LAMA3: variants seen among roughly 807,000 people sequenced by gnomAD.
LAMA3 encodes the protein laminin subunit alpha 3, also known as laminin subunit alpha-3.
In LAMA3, 281 loss-of-function variants were observed where a neutral mutation model predicts 402.0. That is an observed-to-expected ratio of 0.70 (90% confidence interval 0.63 to 0.77). LAMA3 has a LOEUF of 0.77. Among genes scored for constraint, LAMA3 ranks in the 30% least tolerant of loss-of-function variants. The pLI is 0.00. For synonymous variants in LAMA3, 1,431 were observed against 1,558.4 expected (o/e 0.92, Z 1.93); for missense variants, 3,840 against 4,215.5 (o/e 0.91, Z 2.47).
intron 41 of LAMA3, 46 bp from the exon 42 acceptor site, chr18:23,889,965 C>G (rs759473847): frequency 1.4e-6 from 2 of 1,420,396 alleles, no homozygotes; most frequent in South Asian, 1.1e-5. Context: ...TTGAGATAAA[C>G]GATGAGTTAT....
intron 1 of LAMA3, among the ~76,000 whole-genome samples, chr18:23,691,773 T>C (rs2060592778): frequency 6.6e-6 from 1 of 152,256 alleles, no homozygotes; most frequent in Non-Finnish European, 1.5e-5. Flanking sequence ...GGTTTTGCCA[T>C]GTTGGCCAGA....
intron 1 of LAMA3, among the ~76,000 whole-genome samples, chr18:23,707,885 T>C (rs1356361481): frequency 6.6e-6 from 1 of 152,142 alleles, no homozygotes; most frequent in Non-Finnish European, 1.5e-5. Flanking sequence ...TGTGCCACCA[T>C]GCCCAGCTAA....
intron 33 of LAMA3, 40 bp from the exon 34 acceptor site, chr18:23,858,649 T>G (rs781050326): frequency 6.2e-7 from 1 of 1,612,566 alleles, no homozygotes; most frequent in Non-Finnish European, 8.5e-7. Context: ...AGGGAAATTT[T>G]GGAACACGTG....
At chr18:23,709,218 G>C (rs1179805207) in intron 1 of LAMA3, among the ~76,000 whole-genome samples, 1 of 151,788 alleles carries the variant, frequency 6.6e-6, no homozygotes, top group African/African-American at 2.4e-5. Flanking sequence ...CTACAGGCAG[G>C]CACCACCACA....
chr18:23,900,794 C>A (rs1199195367), intron 47 of LAMA3, among the ~76,000 whole-genome samples: 2 of 152,168 alleles, frequency 1.3e-5, no homozygotes, highest in Admixed American at 1.3e-4. Flanking sequence ...GTGGAAGGAG[C>A]ATGCACTTTA....
At chr18:23,695,219 C>CA (rs1215251875) in intron 1 of LAMA3, among the ~76,000 whole-genome samples, 1 of 152,188 alleles carries the variant, frequency 6.6e-6, no homozygotes, top group African/African-American at 2.4e-5. Flanking sequence ...TAGCCTCCAG[C>CA]ATGGTGAGAG....
intron 29 of LAMA3, among the ~76,000 whole-genome samples, chr18:23,843,764 A>G (rs2063755866): frequency 6.6e-6 from 1 of 151,964 alleles, no homozygotes; most frequent in Non-Finnish European, 1.5e-5. Context: ...TTCATCTTTT[A>G]TCTTTCTCTC....
Position 23,944,071 on chromosome 18 carries a change from G to A in LAMA3, c.9210+100G>A, listed in dbSNP as rs148821227. ...CAGCATCCTTCCCAGACATGAGGGCGTGGAGTGGGAGAGCTTGTGTGCTTG... is the reference window on the plus strand; with the variant it reads ...CAGCATCCTTCCCAGACATGAGGGCATGGAGTGGGAGAGCTTGTGTGCTTG... On this transcript the variant is annotated intron_variant, in intron 69 of 74. Transcript: ENST00000313654. The A allele has an allele frequency of 2.4e-4, 283 of 1,193,624 alleles. 1 individual carries two copies. The African/African-American group carries it at 3.0e-3, about 13-fold the overall frequency. 73.9% of individuals were successfully genotyped at this position (1,193,624 alleles called of 1,614,324 possible).
intron 12 of LAMA3, among the ~76,000 whole-genome samples, chr18:23,802,548 A>G (rs1334497229): frequency 6.6e-6 from 1 of 152,210 alleles, no homozygotes; most frequent in Non-Finnish European, 1.5e-5. Flanking sequence ...CTTGGTAATT[A>G]GTGGAACACA....
In LAMA3 at chr18:23,884,378, G is replaced by A. The variant is rs757196311; in HGVS notation, c.5223-395G>A. 4.5e-4 allele frequency among the ~76,000 whole-genome samples: 68 copies of A among 152,076 alleles called. 1 individual carries two copies. Among genetic ancestry groups the A allele is most frequent in the Admixed American group, 6.6e-4 (10 of 15,260 alleles). Reference sequence around the variant, plus strand: ...GATAGAAAAGAACTAGAATCAACAAGGAGAACGTTTTTTTTTAAAGAATCA... The same window carrying A: ...GATAGAAAAGAACTAGAATCAACAAAGAGAACGTTTTTTTTTAAAGAATCA... On this transcript the variant is annotated intron_variant, in intron 40 of 74. Transcript: ENST00000313654.
chr18:23,899,322 G>A lies in LAMA3; in HGVS notation c.5871G>A (p.Glu1957=). The stretch of plus-strand genomic sequence containing the variant: ...AGCAGATCTCTGGGACAGATGGAGA[G>A]GGAAACAACGTGCCTTCAGGTGACT... ...LLKQISGTDG[E]GNNVPSGDFS... The change falls in exon 47 of 75, where the codon GAG becomes GAA. Residue 1957 remains glutamate (E), a synonymous_variant. Transcript: ENST00000313654. The A allele has an allele frequency of 1.2e-6, 2 of 1,613,978 alleles. No individual in the cohort carries two copies. The highest frequency in any genetic ancestry group is 2.2e-5 in the South Asian group (2 of 91,074).
chr18:23,947,670 CTT>C (rs1024522597), intron 70 of LAMA3, among the ~76,000 whole-genome samples: 78 of 152,132 alleles, frequency 5.1e-4, no homozygotes, highest in African/African-American at 1.8e-3. Flanking sequence ...TATGCAGTAA[CTT>C]ATATATATTT....
intron 2 of LAMA3, among the ~76,000 whole-genome samples, chr18:23,732,361 G>C (rs1242470060): frequency 6.6e-6 from 1 of 152,170 alleles, no homozygotes; most frequent in African/African-American, 2.4e-5. Flanking sequence ...AGCCTCCCAA[G>C]TGACTTTGAG....
intron 33 of LAMA3, among the ~76,000 whole-genome samples, chr18:23,858,222 C>T (rs2064130790): frequency 6.6e-6 from 1 of 152,166 alleles, no homozygotes. Context: ...CGGATATAGA[C>T]CCTTTCCAGA....
chr18:23,786,890 C>G (rs2062555495), intron 12 of LAMA3, among the ~76,000 whole-genome samples: 1 of 152,048 alleles, frequency 6.6e-6, no homozygotes, highest in Non-Finnish European at 1.5e-5. Flanking sequence ...TAAAGTGGCT[C>G]AACAGTAAAT....
chr18:23,940,440 T>C (rs1472657468), intron 68 of LAMA3, among the ~76,000 whole-genome samples: 1 of 152,228 alleles, frequency 6.6e-6, no homozygotes, highest in African/African-American at 2.4e-5. Context: ...GCAGCTTCTC[T>C]TGGAGCACGA....
intron 2 of LAMA3, among the ~76,000 whole-genome samples, chr18:23,724,426 T>A (rs1324349491): frequency 6.6e-6 from 1 of 152,192 alleles, no homozygotes; most frequent in African/African-American, 2.4e-5. Context: ...GTTTTCCTGA[T>A]GTCCTCTGTC....
chr18:23,736,186 T>C (rs2061470967), intron 2 of LAMA3, among the ~76,000 whole-genome samples: 1 of 151,736 alleles, frequency 6.6e-6, no homozygotes, highest in African/African-American at 2.4e-5. Context: ...TGGCTCCAGA[T>C]TCTGCACTCT....
intron 19 of LAMA3, among the ~76,000 whole-genome samples, chr18:23,821,381 C>T (rs1175205555): frequency 6.6e-6 from 1 of 152,212 alleles, no homozygotes; most frequent in Admixed American, 6.5e-5. Flanking sequence ...GCAAGTGATT[C>T]TGCACAAAGT....
Sources: gnomAD v4.1 joint callset for allele counts (sites outside exome capture counted in the v4.1 genomes callset) on GRCh38, gnomAD v4.1.1 for gene constraint, MANE v1.5 for transcripts, NCBI Gene and HGNC (gene_info 2026-07-23, HGNC 2026-07-21) for gene names.